CATSPERD: variants seen among roughly 807,000 people sequenced by gnomAD.
The protein encoded by CATSPERD is cation channel sperm-associated auxiliary subunit delta.
Under a neutral mutation model 98.1 loss-of-function variants are expected in CATSPERD, and 86 were observed. The observed-to-expected ratio is 0.88, with a 90% CI of 0.74 to 1.05. The LOEUF is 1.05. Among genes scored for constraint, CATSPERD ranks in the 50% least tolerant of loss-of-function variants. The probability of loss-of-function intolerance (pLI) is 0.00; values close to 1 mark genes in which losing one functional copy is unlikely to be tolerated. For missense variants in CATSPERD, 995 were observed against 1,005.7 expected, an observed-to-expected ratio of 0.99 and a Z score of 0.14; for synonymous variants, 394 against 390.2, an observed-to-expected ratio of 1.01 and a Z score of -0.12.
intron 4 of CATSPERD, among the ~76,000 whole-genome samples, chr19:5,733,447 T>C (rs1413709095): frequency 1.4e-5 from 2 of 145,926 alleles, no homozygotes; most frequent in African/African-American, 2.6e-5. Context: ...CTTTCTTTCT[T>C]TCTCTCTCTC....
intron 4 of CATSPERD, among the ~76,000 whole-genome samples, chr19:5,731,254 C>A (rs2055711563): frequency 6.6e-6 from 1 of 152,004 alleles, no homozygotes; most frequent in African/African-American, 2.4e-5. Context: ...CTGAGGTGGG[C>A]AGATTGCTTG....
rs1248130846 is a variant in CATSPERD, at chr19:5,767,632, GC to G, written c.1560-533del. On this transcript the variant is annotated intron_variant, in intron 17 of 21. Coordinates refer to ENST00000381624, the MANE Select transcript of CATSPERD (RefSeq NM_152784.4). The stretch of plus-strand genomic sequence containing the variant: ...CCTCCGAGTAGCTGGGACTACAGGC[GC>G]CCGCCACCATGCCCAGCTAATTTTT... 1.0e-4 allele frequency among the ~76,000 whole-genome samples: 15 copies of G among 148,816 alleles called. 1 individual carries two copies. In the South Asian group the frequency reaches 3.0e-3, roughly 30 times the overall value.
At chr19:5,740,119 T>TG (rs2055928858) in intron 7 of CATSPERD, among the ~76,000 whole-genome samples, 1 of 151,056 alleles carries the variant, frequency 6.6e-6, no homozygotes, top group Non-Finnish European at 1.5e-5. Context: ...CCGTCTCTAC[T>TG]AAAAGTACAA....
chr19:5,742,864 C>T (rs1023860729), intron 7 of CATSPERD, among the ~76,000 whole-genome samples: 5 of 151,994 alleles, frequency 3.3e-5, no homozygotes, highest in Non-Finnish European at 5.9e-5. Context: ...CAGATGGATC[C>T]CATAATTGCC....
chr19:5,728,700 TCTCTC>T (rs199856791), intron 3 of CATSPERD, among the ~76,000 whole-genome samples: 5 of 135,262 alleles, frequency 3.7e-5, no homozygotes, highest in African/African-American at 1.4e-4. Flanking sequence ...TCTCTCTCTC[TCTCTC>T]TTTTTTTTTT....
chr19:5,757,394 T>C (rs564330505), intron 13 of CATSPERD, among the ~76,000 whole-genome samples: 1 of 149,788 alleles, frequency 6.7e-6, no homozygotes, highest in East Asian at 2.0e-4. Context: ...GCCTCCTGGG[T>C]TCAAGCGATT....
chr19:5,754,192 C>G lies in CATSPERD; in HGVS notation c.1225C>G (p.Leu409Val). 6.2e-7 allele frequency: 1 copy of G among 1,613,974 alleles called. No individual in the cohort carries two copies. ...RMYTIDMHSQ[L>V]ELTASLIPQP... ...GTATACCATTGACATGCACAGCCAG[C>G]TGGAATTGACTGCTTCGTTGATACC... The change falls in exon 13 of 22, where the codon CTG becomes GTG. Residue 409 changes from leucine (L) to valine (V), a missense_variant. By Grantham distance (32) the Leu-to-Val change is conservative. Coordinates refer to ENST00000381624, the MANE Select transcript of CATSPERD (RefSeq NM_152784.4).
At chr19:5,748,083 G>A in intron 9 of CATSPERD, 77 bp from the exon 10 acceptor site, 1 of 1,200,080 alleles carries the variant, frequency 8.3e-7, no homozygotes, top group Non-Finnish European at 1.2e-6. Context: ...GGCAGGGGTG[G>A]CTGTGGTCCC....
In CATSPERD at chr19:5,760,882, C is replaced by T. The variant is rs75022767; in HGVS notation, c.1427+1738C>T. Among the ~76,000 whole-genome samples the T allele has an allele frequency of 2.0e-5, 3 of 151,498 alleles. No individual in the cohort carries two copies. The East Asian group carries it at 5.8e-4, about 29-fold the overall frequency. On this transcript the variant is annotated intron_variant, in intron 15 of 21. Transcript: ENST00000381624. ...AAGTTATGGGCATGACAATGTACTCCAGCCTGGGCAATAGAGCAAGACCCT... is the reference window on the plus strand; with the variant it reads ...AAGTTATGGGCATGACAATGTACTCTAGCCTGGGCAATAGAGCAAGACCCT...
chr19:5,770,113 C>T (rs1250195976), intron 18 of CATSPERD, among the ~76,000 whole-genome samples: 14 of 143,376 alleles, frequency 9.8e-5, no homozygotes, highest in Non-Finnish European at 1.4e-4. Flanking sequence ...AAAGTAATTA[C>T]GGTTTTTGCC....
At chr19:5,736,296 T>C (rs1364584976) in intron 5 of CATSPERD, among the ~76,000 whole-genome samples, 1 of 152,164 alleles carries the variant, frequency 6.6e-6, no homozygotes, top group Non-Finnish European at 1.5e-5. Context: ...AAGGTGCTAC[T>C]GGCATTGAGT....
rs2055913882 is a variant in CATSPERD at position 5,739,455 on chromosome 19, T to G, written c.573+16T>G. 1 of 1,351,894 alleles carries G rather than the reference T, an allele frequency of 7.4e-7. No individual in the cohort carries two copies. The highest frequency in any genetic ancestry group is 1.0e-6 in the Non-Finnish European group (1 of 962,568). 83.7% of individuals were successfully genotyped at this position (1,351,894 alleles called of 1,614,324 possible). On this transcript the variant is annotated intron_variant, in intron 7 of 21. Transcript: ENST00000381624. ...TGACAGACAGGTATGTTAAATTTGG[T>G]AAGAATGTGAAAATAAATACATATG...
Position 5,770,112 on chromosome 19 carries a change from A to G in CATSPERD, c.1635-832A>G, listed in dbSNP as rs528698980. The stretch of plus-strand genomic sequence containing the variant: ...TCAAAAAAAAAAAAAAAAAGTAATT[A>G]CGGTTTTTGCCATTGAAAGTAATGG... On this transcript the variant is annotated intron_variant, in intron 18 of 21. Coordinates refer to ENST00000381624, the MANE Select transcript of CATSPERD (RefSeq NM_152784.4). Among the ~76,000 whole-genome samples the G allele has an allele frequency of 2.2e-3, 322 of 148,102 alleles. 3 individuals are homozygous for G. The highest frequency in any genetic ancestry group is 7.7e-3 in the African/African-American group (308 of 40,192).
In CATSPERD at chr19:5,768,216, A is replaced by C; in HGVS notation, c.1608A>C (p.Gln536His). The C allele has an allele frequency of 6.2e-7, 1 of 1,613,718 alleles. No homozygotes were observed. Among genetic ancestry groups the C allele is most frequent in the Middle Eastern group, 1.7e-4 (1 of 6,060 alleles). The change falls in exon 18 of 22, where the codon CAA (glutamine) becomes CAC (histidine). Residue 536 changes from glutamine (Q) to histidine (H), a missense_variant. Transcript: ENST00000381624. Reference sequence around the variant, plus strand: ...GCATCCTGGACCCCTTGACCCTGCAAGACAATTACAGCTTCATCATCGAGA... The same window carrying C: ...GCATCCTGGACCCCTTGACCCTGCACGACAATTACAGCTTCATCATCGAGA... The part of the protein sequence containing the change: ...SMGILDPLTL[Q>H]DNYSFIIEKE...
chr19:5,738,960 T>C (rs1161017951), intron 6 of CATSPERD, among the ~76,000 whole-genome samples: 2 of 152,084 alleles, frequency 1.3e-5, no homozygotes, highest in Admixed American at 1.3e-4. Flanking sequence ...ACTCCTGGCG[T>C]CAACTGATCC....
chr19:5,751,228 A>C (rs2056210191), intron 11 of CATSPERD, among the ~76,000 whole-genome samples: 1 of 62,166 alleles, frequency 1.6e-5, no homozygotes, highest in African/African-American at 6.4e-5. Flanking sequence ...AAAAAAAAAA[A>C]AAAAAAAAAA....
At chr19:5,732,428 G>A (rs1031848593) in intron 4 of CATSPERD, among the ~76,000 whole-genome samples, 3 of 149,820 alleles carry the variant, frequency 2.0e-5, no homozygotes, top group Admixed American at 6.7e-5. Flanking sequence ...GGTGTTTTTT[G>A]TTTGTTTGTT....
At chr19:5,761,815 G>T in intron 15 of CATSPERD, among the ~76,000 whole-genome samples, 1 of 151,050 alleles carries the variant, frequency 6.6e-6, no homozygotes, top group Non-Finnish European at 1.5e-5. Context: ...CGGTTCTCCT[G>T]CCTCAGCCTC....
intron 2 of CATSPERD, among the ~76,000 whole-genome samples, chr19:5,725,430 C>T (rs1349553675): frequency 6.6e-6 from 1 of 152,120 alleles, no homozygotes; most frequent in Non-Finnish European, 1.5e-5. Flanking sequence ...GGATTACAGA[C>T]GTTCACCACC....
Sources: gnomAD v4.1 joint callset for allele counts (sites outside exome capture counted in the v4.1 genomes callset) on GRCh38, gnomAD v4.1.1 for gene constraint, MANE v1.5 for transcripts, NCBI Gene and HGNC (gene_info 2026-07-23, HGNC 2026-07-21) for gene names.